Variants in GLIS3 observed in about 807,000 individuals in gnomAD.
GLIS3 encodes the protein GLIS family zinc finger 3, also known as zinc finger protein GLIS3.
A neutral mutation model predicts 78.6 loss-of-function variants in GLIS3; 53 were observed. The ratio of observed to expected loss-of-function variants is 0.67; its 90% CI spans 0.54 to 0.85. The LOEUF is 0.85. Among genes scored for constraint, GLIS3 ranks in the 40% least tolerant of loss-of-function variants. GLIS3 has a pLI of 0.00. For synonymous variants in GLIS3, 684 were observed against 509.9 expected (o/e 1.34, Z -4.60); for missense variants, 1,703 against 1,231.1 (o/e 1.38, Z -5.74).
intron 4 of GLIS3, among the ~76,000 whole-genome samples, chr9:3,974,221 G>A (rs1171813054): frequency 2.0e-5 from 3 of 152,054 alleles, no homozygotes; most frequent in African/African-American, 4.8e-5. Context: ...CAAGAACTGA[G>A]TTTGAATAAA....
At chr9:4,178,922 G>T (rs1475031018) in intron 2 of GLIS3, among the ~76,000 whole-genome samples, 1 of 151,982 alleles carries the variant, frequency 6.6e-6, no homozygotes, top group Non-Finnish European at 1.5e-5. Context: ...TTATTATTTG[G>T]GTTTTATTTT....
intron 2 of GLIS3, among the ~76,000 whole-genome samples, chr9:4,228,830 T>C (rs923552616): frequency 6.6e-6 from 1 of 152,170 alleles, no homozygotes; most frequent in Non-Finnish European, 1.5e-5. Flanking sequence ...AGCCACACAG[T>C]GGAACTCTGC....
the GLIS3 span, among the ~76,000 whole-genome samples, chr9:4,389,610 A>G: frequency 6.6e-6 from 1 of 152,156 alleles, no homozygotes; most frequent in African/African-American, 2.4e-5. Flanking sequence ...AGCTAAATAT[A>G]CTTCTTAGTC....
At chr9:4,352,105 T>C (rs1469040724), upstream of GLIS3, among the ~76,000 whole-genome samples, 1 of 152,224 alleles carries the variant, frequency 6.6e-6, no homozygotes, top group Non-Finnish European at 1.5e-5. Flanking sequence ...ACAACTACGA[T>C]GGAAAAGTAG....
intron 2 of GLIS3, among the ~76,000 whole-genome samples, chr9:4,152,564 A>C (rs2131044950): frequency 6.6e-6 from 1 of 152,288 alleles, no homozygotes; most frequent in South Asian, 2.1e-4. Context: ...GTGAGTAATT[A>C]AATAATCTCT....
intron 2 of GLIS3, among the ~76,000 whole-genome samples, chr9:4,190,027 A>T (rs548904321): frequency 6.6e-6 from 1 of 152,186 alleles, no homozygotes; most frequent in African/African-American, 2.4e-5. Flanking sequence ...CCAAAAACCC[A>T]TTGGTACATC....
intron 4 of GLIS3, among the ~76,000 whole-genome samples, chr9:4,031,186 C>T (rs1002390705): frequency 2.0e-5 from 3 of 152,132 alleles, no homozygotes; most frequent in East Asian, 1.9e-4. Flanking sequence ...CAAACAAATA[C>T]GTCACAGCAG....
chr9:4,067,563 G>T (rs976656575), intron 4 of GLIS3, among the ~76,000 whole-genome samples: 1 of 152,012 alleles, frequency 6.6e-6, no homozygotes, highest in African/African-American at 2.4e-5. Flanking sequence ...TGCAAAAAAA[G>T]GAGAATATTT....
chr9:4,089,048 A>T (rs1466561924), intron 4 of GLIS3, among the ~76,000 whole-genome samples: 1 of 152,266 alleles, frequency 6.6e-6, no homozygotes, highest in East Asian at 1.9e-4. Flanking sequence ...TTCCCCAGCA[A>T]CTTGCTTTAA....
At chr9:4,145,440 A>G (rs1586801928) in intron 2 of GLIS3, among the ~76,000 whole-genome samples, 1 of 140,826 alleles carries the variant, frequency 7.1e-6, no homozygotes, top group East Asian at 2.1e-4. Context: ...TTTGCACACA[A>G]CTGCTGTGAT....
At chr9:3,888,840 G>A in intron 7 of GLIS3, among the ~76,000 whole-genome samples, 1 of 152,118 alleles carries the variant, frequency 6.6e-6, no homozygotes, top group Non-Finnish European at 1.5e-5. Flanking sequence ...TAATTTTTAT[G>A]TAAAGGCTTT....
intron 2 of GLIS3, among the ~76,000 whole-genome samples, chr9:4,234,157 T>C (rs1822513719): frequency 1.3e-5 from 2 of 152,226 alleles, no homozygotes; most frequent in Admixed American, 6.5e-5. Context: ...CATATCCTTC[T>C]TGTGTTCATG....
intron 4 of GLIS3, among the ~76,000 whole-genome samples, chr9:3,952,350 C>T (rs1021011552): frequency 2.6e-5 from 4 of 152,054 alleles, no homozygotes; most frequent in Non-Finnish European, 4.4e-5. Flanking sequence ...GAACCAGAAG[C>T]CCCCCCAGAG....
chr9:4,250,727 C>T (rs1824291772), intron 2 of GLIS3, among the ~76,000 whole-genome samples: 1 of 152,102 alleles, frequency 6.6e-6, no homozygotes, highest in Non-Finnish European at 1.5e-5. Flanking sequence ...TAAATCTTTC[C>T]CACCTTCTTT....
intron 1 of GLIS3, among the ~76,000 whole-genome samples, chr9:4,289,933 T>C (rs1828309793): frequency 6.6e-6 from 1 of 152,152 alleles, no homozygotes; most frequent in Non-Finnish European, 1.5e-5. Flanking sequence ...CATTTAGTAA[T>C]TCCACTAGTT....
intron 2 of GLIS3, among the ~76,000 whole-genome samples, chr9:4,217,844 C>T (rs1222024938): frequency 6.6e-6 from 1 of 152,192 alleles, no homozygotes; most frequent in Non-Finnish European, 1.5e-5. Flanking sequence ...TTAAATTCTG[C>T]AGCAGCATGA....
At chr9:4,008,652 A>C (rs1045612790) in intron 4 of GLIS3, among the ~76,000 whole-genome samples, 15 of 152,096 alleles carry the variant, frequency 9.9e-5, no homozygotes, top group African/African-American at 3.6e-4. Flanking sequence ...ACTGTGAGCA[A>C]CTCACAAAGT....
At chr9:4,264,680 T>C (rs1294774110) in intron 2 of GLIS3, among the ~76,000 whole-genome samples, 2 of 152,172 alleles carry the variant, frequency 1.3e-5, no homozygotes, top group Admixed American at 6.5e-5. Context: ...ATGTCCTTTC[T>C]ACAATATTCT....
chr9:4,084,182 G>A (rs1828799490), intron 4 of GLIS3, among the ~76,000 whole-genome samples: 1 of 151,602 alleles, frequency 6.6e-6, no homozygotes, highest in Non-Finnish European at 1.5e-5. Context: ...AAAAGACTAC[G>A]AAGCCCTCAA....
Sources: allele counts gnomAD v4.1 joint callset (sites outside exome capture counted in the v4.1 genomes callset), GRCh38; gene constraint gnomAD v4.1.1; transcripts MANE v1.5; gene names NCBI Gene and HGNC (gene_info 2026-07-23, HGNC 2026-07-21).